Variants in OSBPL8 observed in about 807,000 individuals in gnomAD.
The protein encoded by OSBPL8 is oxysterol binding protein like 8.
Under a neutral mutation model 125.5 loss-of-function variants are expected in OSBPL8, and 59 were observed. The ratio of observed to expected loss-of-function variants is 0.47; its 90% CI spans 0.38 to 0.58. The LOEUF (loss-of-function observed/expected upper bound fraction) is 0.58. OSBPL8 is among the 20% of genes least tolerant of loss of function. The pLI is 0.00. For missense variants in OSBPL8, 758 were observed against 1,047.8 expected (o/e 0.72, Z 3.82); for synonymous variants, 330 against 338.9 (o/e 0.97, Z 0.29).
intron 3 of OSBPL8, among the ~76,000 whole-genome samples, chr12:76,456,345 C>T (rs760299963): frequency 5.3e-5 from 8 of 152,062 alleles, no homozygotes; most frequent in Non-Finnish European, 8.8e-5. Flanking sequence ...TTACAGCTGA[C>T]GTTTAAGCAG....
intron 1 of OSBPL8, among the ~76,000 whole-genome samples, chr12:76,491,166 AG>A (rs1300289346): frequency 6.6e-6 from 1 of 152,240 alleles, no homozygotes; most frequent in Non-Finnish European, 1.5e-5. Context: ...TGAAGGGGTC[AG>A]GGAAATATCC....
At chr12:76,557,821 A>G (rs1951154273) in intron 1 of OSBPL8, among the ~76,000 whole-genome samples, 1 of 152,216 alleles carries the variant, frequency 6.6e-6, no homozygotes, top group African/African-American at 2.4e-5. Context: ...TATAAAAAAC[A>G]TATTTGACTG....
chr12:76,455,463 A>G (rs1211114038), intron 3 of OSBPL8, among the ~76,000 whole-genome samples: 1 of 152,250 alleles, frequency 6.6e-6, no homozygotes, highest in East Asian at 1.9e-4. Flanking sequence ...TCAGTAAAAC[A>G]TAGGTGTCCA....
rs547699405 is a variant in OSBPL8, at chr12:76,405,509, G to A, written c.289-2743C>T. ...ACAATTCTATATGATAAGCTCTAGC[G>A]TGGTTATTCCTAAAAGATTACTGTA... On this transcript the variant is annotated intron_variant, in intron 5 of 23. Coordinates refer to ENST00000261183, the MANE Select transcript of OSBPL8 (RefSeq NM_020841.5). Among the ~76,000 whole-genome samples the A allele has an allele frequency of 2.1e-4, 32 of 152,148 alleles. No individual in the cohort carries two copies. The South Asian group carries it at 6.7e-3, about 32-fold the overall frequency.
chr12:76,472,514 A>C (rs1876274725), intron 2 of OSBPL8, among the ~76,000 whole-genome samples: 1 of 152,156 alleles, frequency 6.6e-6, no homozygotes, highest in South Asian at 2.1e-4. Flanking sequence ...GGAGACTGGT[A>C]GTGGCCCCGA....
chr12:76,356,857 A>C, intron 22 of OSBPL8, 129 bp from the exon 23 acceptor site: 2 of 575,044 alleles, frequency 3.5e-6, no homozygotes, highest in Non-Finnish European at 6.0e-6. Context: ...AGTAATATGA[A>C]TACTCTGCAC....
chr12:76,475,400 T>C (rs745703324), intron 2 of OSBPL8, among the ~76,000 whole-genome samples: 7 of 152,206 alleles, frequency 4.6e-5, no homozygotes, highest in Non-Finnish European at 8.8e-5. Flanking sequence ...GCAAAACAAA[T>C]AGCTTTGACT....
At chr12:76,380,919 G>C (rs1399830305) in intron 15 of OSBPL8, among the ~76,000 whole-genome samples, 2 of 151,956 alleles carry the variant, frequency 1.3e-5, no homozygotes, top group Non-Finnish European at 2.9e-5. Flanking sequence ...AGTTCCTTGA[G>C]GACTAAGAAA....
intron 2 of OSBPL8, among the ~76,000 whole-genome samples, chr12:76,477,908 A>C (rs1239367448): frequency 6.6e-6 from 1 of 152,114 alleles, no homozygotes; most frequent in African/African-American, 2.4e-5. Flanking sequence ...AAAATTGAAA[A>C]CAAAAGAATT....
chr12:76,510,578 A>G (rs150797641), intron 1 of OSBPL8, among the ~76,000 whole-genome samples: 295 of 152,316 alleles, frequency 1.9e-3, no homozygotes, highest in South Asian at 0.017. Context: ...CTCAAAACAC[A>G]TTCATCAAAT....
At position 76,371,440 on chromosome 12, in the gene OSBPL8, A is replaced by G. The variant is rs994073316; in HGVS notation, c.2054+8T>C. 2 of 1,600,722 alleles carry G rather than the reference A, an allele frequency of 1.2e-6. No homozygotes were observed. The highest frequency in any genetic ancestry group is 1.3e-5 in the African/African-American group (1 of 74,490). On this transcript the variant is annotated splice_region_variant and intron_variant, in intron 19 of 23. Transcript: ENST00000261183. ...CTCATGAAGTTAGCTGTAAAACAGT[A>G]TACTTACTTCTCTGATTCAAAATCT...
rs1363080632 is a variant in OSBPL8 at position 76,355,413 on chromosome 12, G to A, written c.*476C>T. On this transcript the variant is annotated 3_prime_UTR_variant, in exon 24 of 24. Coordinates refer to ENST00000261183, the MANE Select transcript of OSBPL8 (RefSeq NM_020841.5). ...AACAGTAGTGTATTGAATTAATTAT[G>A]TCTATTATTCCATCATTTCTCAATC... is the stretch of plus-strand genomic sequence containing the variant. The A allele has an allele frequency of 6.6e-6, 1 of 152,038 alleles. No individual in the cohort carries two copies. Among genetic ancestry groups the A allele is most frequent in the African/African-American group, 2.4e-5 (1 of 41,284 alleles). The allele number at this position is 152,038 out of a possible 1,614,324, so 9.4% of individuals were successfully genotyped here.
At chr12:76,432,129 T>A (rs1870907089) in intron 4 of OSBPL8, among the ~76,000 whole-genome samples, 1 of 151,886 alleles carries the variant, frequency 6.6e-6, no homozygotes, top group Non-Finnish European at 1.5e-5. Flanking sequence ...AAATCACAAA[T>A]AGATAAAAAC....
intron 4 of OSBPL8, among the ~76,000 whole-genome samples, chr12:76,439,404 A>C (rs565176808): frequency 6.6e-6 from 1 of 152,154 alleles, no homozygotes; most frequent in South Asian, 2.1e-4. Context: ...TATACAGCAC[A>C]CATTCCAAAC....
At chr12:76,540,093 G>T (rs779636745) in intron 1 of OSBPL8, among the ~76,000 whole-genome samples, 2 of 152,096 alleles carry the variant, frequency 1.3e-5, no homozygotes, top group African/African-American at 4.8e-5. Flanking sequence ...ACTTGGCAAA[G>T]CTTATCCCCT....
chr12:76,525,194 C>T (rs1274674505), intron 1 of OSBPL8, among the ~76,000 whole-genome samples: 1 of 151,978 alleles, frequency 6.6e-6, no homozygotes, highest in Non-Finnish European at 1.5e-5. Flanking sequence ...AAAAATTTCT[C>T]AGAATTATTT....
chr12:76,378,365 T>A, intron 16 of OSBPL8, 87 bp downstream of exon 16: 1 of 893,074 alleles, frequency 1.1e-6, no homozygotes, highest in South Asian at 1.7e-5. Flanking sequence ...TCTGACTCCA[T>A]CAATCACAAA....
chr12:76,503,601 C>T (rs968350012), intron 1 of OSBPL8, among the ~76,000 whole-genome samples: 10 of 152,142 alleles, frequency 6.6e-5, no homozygotes, highest in Non-Finnish European at 1.3e-4. Context: ...TGCAGTGGCG[C>T]GATCTCGGCT....
intron 2 of OSBPL8, among the ~76,000 whole-genome samples, chr12:76,479,121 G>T (rs920699449): frequency 4.6e-5 from 7 of 152,082 alleles, no homozygotes; most frequent in African/African-American, 1.7e-4. Flanking sequence ...CCCTTTAATA[G>T]AAGTTTCAAT....
Sources: allele counts gnomAD v4.1 joint callset (sites outside exome capture counted in the v4.1 genomes callset), GRCh38; gene constraint gnomAD v4.1.1; transcripts MANE v1.5; gene names NCBI Gene and HGNC (gene_info 2026-07-23, HGNC 2026-07-21).